Variants in ATP10B observed in about 807,000 individuals in gnomAD.
ATP10B encodes ATPase phospholipid transporting 10B (putative).
In ATP10B, 122 loss-of-function variants were observed where a neutral mutation model predicts 141.2. That is an observed-to-expected ratio of 0.86 (90% confidence interval 0.75 to 1.00). ATP10B has a LOEUF of 1.00. Among genes scored for constraint, ATP10B ranks in the 50% least tolerant of loss-of-function variants. The pLI, the probability that ATP10B is intolerant of heterozygous loss-of-function variation, is 0.00. For missense variants in ATP10B, 1,876 were observed against 1,825.3 expected, an observed-to-expected ratio of 1.03 and a Z score of -0.51; for synonymous variants, 685 against 692.0, an observed-to-expected ratio of 0.99 and a Z score of 0.16.
At chr5:160,678,362 T>TA (rs573106327) in intron 6 of ATP10B, among the ~76,000 whole-genome samples, 19 of 150,796 alleles carry the variant, frequency 1.3e-4, no homozygotes, top group Non-Finnish European at 2.1e-4. Flanking sequence ...GATTGGAAAT[T>TA]AAAAAAAAAA....
the ATP10B span, among the ~76,000 whole-genome samples, chr5:160,889,296 T>C: frequency 2.6e-5 from 4 of 152,162 alleles, no homozygotes; most frequent in African/African-American, 9.7e-5. Context: ...CTGAATCGGG[T>C]GGCTAGAGTG....
chr5:160,831,111 CT>C (rs11300815), intron 1 of ATP10B, among the ~76,000 whole-genome samples: 142,764 of 149,842 alleles, frequency 0.95, 68,213 homozygotes, highest in Non-Finnish European at 1. Context: ...TTTCAACACG[CT>C]TTTTTTTTTT....
At chr5:160,849,017 G>A (rs1040585514) in intron 1 of ATP10B, among the ~76,000 whole-genome samples, 28 of 152,164 alleles carry the variant, frequency 1.8e-4, no homozygotes, top group Admixed American at 1.8e-3. Flanking sequence ...GAGTGATCCC[G>A]AGTTTCTGAC....
chr5:160,593,675 T>A (rs911538390), intron 22 of ATP10B, among the ~76,000 whole-genome samples: 1 of 152,134 alleles, frequency 6.6e-6, no homozygotes, highest in Non-Finnish European at 1.5e-5. Flanking sequence ...AAAATTTAGA[T>A]GAATGTAGAA....
At chr5:160,677,900 G>T (rs1433957181) in intron 6 of ATP10B, among the ~76,000 whole-genome samples, 1 of 152,182 alleles carries the variant, frequency 6.6e-6, no homozygotes, top group African/African-American at 2.4e-5. Context: ...GGAAATATTA[G>T]TACCAAATTG....
rs932913913 is a variant in ATP10B, at chr5:160,670,665, T to C, written c.473A>G (p.Lys158Arg). 6.2e-7 allele frequency: 1 copy of C among 1,612,892 alleles called. No homozygotes were observed. Among genetic ancestry groups the C allele is most frequent in the African/African-American group, 1.3e-5 (1 of 74,878 alleles). ...GCACTTCTGCACATAGGTCTGCTCT[T>C]TTCTTGGGTGAGAGAAAGACAGGGT... Reference protein sequence around the residue: ...NCSNIRIYERKEQTYVQKCWK... With the variant: ...NCSNIRIYERREQTYVQKCWK... The change falls in exon 7 of 26, where the codon AAA (lysine) becomes AGA (arginine). Residue 158 changes from lysine (K) to arginine (R), a missense_variant and splice_region_variant. Lys to Arg is a conservative substitution (Grantham distance 26, BLOSUM62 2). Coordinates refer to ENST00000327245, the MANE Select transcript of ATP10B (RefSeq NM_025153.3).
intron 6 of ATP10B, among the ~76,000 whole-genome samples, chr5:160,679,423 A>G (rs1281111582): frequency 6.6e-6 from 1 of 152,242 alleles, no homozygotes; most frequent in Non-Finnish European, 1.5e-5. Context: ...TTTCATTGAC[A>G]CAGGAACAGG....
intron 22 of ATP10B, among the ~76,000 whole-genome samples, chr5:160,592,941 C>T (rs1253040557): frequency 6.6e-6 from 1 of 152,238 alleles, no homozygotes; most frequent in Non-Finnish European, 1.5e-5. Context: ...CCCACCACAG[C>T]TCAAGGAGGC....
chr5:160,918,552 A>G, the ATP10B span, among the ~76,000 whole-genome samples: 4 of 152,238 alleles, frequency 2.6e-5, no homozygotes, highest in African/African-American at 9.6e-5. Flanking sequence ...GATACATCAT[A>G]CACATACCTG....
chr5:160,820,532 C>A (rs996342918), intron 1 of ATP10B, among the ~76,000 whole-genome samples: 2 of 152,142 alleles, frequency 1.3e-5, no homozygotes, highest in Non-Finnish European at 1.5e-5. Flanking sequence ...TACTTCCAAA[C>A]TCATTCTGTG....
At chr5:160,852,761 A>G (rs1263359431), upstream of ATP10B, among the ~76,000 whole-genome samples, 1 of 152,178 alleles carries the variant, frequency 6.6e-6, no homozygotes, top group Non-Finnish European at 1.5e-5. Context: ...TGAGATTTTC[A>G]TGTATAATCC....
chr5:160,847,731 A>G (rs1776214255), intron 1 of ATP10B, among the ~76,000 whole-genome samples: 1 of 152,212 alleles, frequency 6.6e-6, no homozygotes, highest in Non-Finnish European at 1.5e-5. Flanking sequence ...TTCAAATGCT[A>G]TAAATGAATG....
chr5:160,927,085 A>C, the ATP10B span, among the ~76,000 whole-genome samples: 1 of 152,248 alleles, frequency 6.6e-6, no homozygotes, highest in Non-Finnish European at 1.5e-5. Context: ...TAAGAAATGC[A>C]GGCACTAAGT....
At chr5:160,874,019 G>T in the ATP10B span, among the ~76,000 whole-genome samples, 1 of 152,224 alleles carries the variant, frequency 6.6e-6, no homozygotes, top group Non-Finnish European at 1.5e-5. Context: ...AGTTCGAACT[G>T]GGTGGAGCCC....
chr5:160,870,722 C>G, the ATP10B span, among the ~76,000 whole-genome samples: 1 of 151,076 alleles, frequency 6.6e-6, no homozygotes, highest in Non-Finnish European at 1.5e-5. Flanking sequence ...TCAGAGAACA[C>G]TAACCAGGAG....
Position 160,852,029 on chromosome 5 carries a change from T to TA in ATP10B, c.-665dup, listed in dbSNP as rs940152217. ...CGGTATTTCTCTCGCACACCTTGGC[T>TA]AAAATAGTTCTCTTTCCTATGGAAT... On this transcript the variant is annotated 5_prime_UTR_variant, in exon 1 of 26. An upstream open reading frame in the 5' UTR loses its in-frame stop. Transcript: ENST00000327245. The TA allele has an allele frequency of 6.6e-6, 1 of 152,208 alleles. No individual in the cohort carries two copies. Among genetic ancestry groups the TA allele is most frequent in the African/African-American group, 2.4e-5 (1 of 41,454 alleles). 9.4% of individuals were successfully genotyped at this position (152,208 alleles called of 1,614,324 possible).
intron 1 of ATP10B, among the ~76,000 whole-genome samples, chr5:160,803,593 T>A (rs550000774): frequency 6.6e-6 from 1 of 152,240 alleles, no homozygotes; most frequent in African/African-American, 2.4e-5. Context: ...GGAGAATCAT[T>A]GGAACCCCGG....
chr5:160,725,159 G>A (rs1766247068), intron 2 of ATP10B, among the ~76,000 whole-genome samples: 1 of 152,172 alleles, frequency 6.6e-6, no homozygotes, highest in South Asian at 2.1e-4. Flanking sequence ...GAAAGAAACA[G>A]GAGAAAGAAT....
intron 20 of ATP10B, chr5:160,603,478 G>A (rs2127627650): frequency 6.3e-6 from 1 of 159,334 alleles, no homozygotes; most frequent in South Asian, 1.8e-4. Flanking sequence ...TATAGTTAGT[G>A]TGTTCTATGT....
Sources: allele counts gnomAD v4.1 joint callset (sites outside exome capture counted in the v4.1 genomes callset), GRCh38; gene constraint gnomAD v4.1.1; transcripts MANE v1.5; gene names NCBI Gene and HGNC (gene_info 2026-07-23, HGNC 2026-07-21).